Variants in NTN1 observed in about 807,000 individuals in gnomAD.
The protein encoded by NTN1 is netrin 1.
In NTN1, 11 loss-of-function variants were observed where a neutral mutation model predicts 54.2. That is an observed-to-expected ratio of 0.20 (90% CI 0.13 to 0.34). The LOEUF (loss-of-function observed/expected upper bound fraction) is 0.34. Ranked by LOEUF, NTN1 falls within the 10% of genes least tolerant of loss-of-function variation. The pLI, the probability that NTN1 is intolerant of heterozygous loss-of-function variation, is 1.00. For synonymous variants in NTN1, 371 were observed against 382.0 expected, an observed-to-expected ratio of 0.97 and a Z score of 0.33; for missense variants, 740 against 893.1, an observed-to-expected ratio of 0.83 and a Z score of 2.18.
rs574215964 is a variant in NTN1, at chr17:9,219,556, T to C, written c.1412-1612T>C. Among the ~76,000 whole-genome samples, 8 of 152,338 alleles carry C rather than the reference T, an allele frequency of 5.3e-5. No individual in the cohort carries two copies. Among genetic ancestry groups the C allele is most frequent in the Middle Eastern group, 3.4e-3 (1 of 294 alleles). Reference sequence around the variant, plus strand: ...CCCAAGGTAGTGGGATAGAGCTGCATTGATCTTCATTGAGGCACCAGTCAA... The same window carrying C: ...CCCAAGGTAGTGGGATAGAGCTGCACTGATCTTCATTGAGGCACCAGTCAA... On this transcript the variant is annotated intron_variant, in intron 5 of 6. Transcript: ENST00000173229. This position sits in a 1 kb window ranked among gnomAD's most constrained non-coding sequence, Gnocchi z 4.5.
At chr17:9,136,258 C>G (rs4791797) in intron 2 of NTN1, among the ~76,000 whole-genome samples, 106,112 of 151,806 alleles carry the variant, frequency 0.7, 38,918 homozygotes, top group East Asian at 1. Context: ...TCAGAGTAGA[C>G]GATAATAACA....
At chr17:9,082,636 G>A (rs147576926) in intron 2 of NTN1, among the ~76,000 whole-genome samples, 103 of 152,124 alleles carry the variant, frequency 6.8e-4, no homozygotes, top group Non-Finnish European at 1.2e-3. Flanking sequence ...CGGGCCGGGG[G>A]CTTCACAGAG....
chr17:9,109,860 A>G (rs546079351), intron 2 of NTN1, among the ~76,000 whole-genome samples: 70 of 152,166 alleles, frequency 4.6e-4, no homozygotes, highest in Non-Finnish European at 8.7e-4. Context: ...CATATGTCTG[A>G]TTATTGTGAG....
At chr17:9,237,967 G>A (rs1906048252) in intron 6 of NTN1, among the ~76,000 whole-genome samples, 1 of 152,172 alleles carries the variant, frequency 6.6e-6, no homozygotes, top group Non-Finnish European at 1.5e-5. Flanking sequence ...AGGATGCCCA[G>A]GAACAGCTGA....
chr17:9,133,754 A>ATTTTTTTTTTTTTT (rs57053201), intron 2 of NTN1, among the ~76,000 whole-genome samples: 1 of 104,558 alleles, frequency 9.6e-6, no homozygotes, highest in African/African-American at 4.1e-5. Context: ...TGCCCAGCTA[A>ATTTTTTTTTTTTTT]TTTTTTTTTT....
intron 2 of NTN1, among the ~76,000 whole-genome samples, chr17:9,059,393 T>C (rs765529544): frequency 3.9e-5 from 6 of 152,160 alleles, no homozygotes; most frequent in African/African-American, 1.2e-4. Flanking sequence ...TTATTCACAA[T>C]AGCCAAAAGG....
chr17:9,185,922 C>A (rs2092431867), intron 5 of NTN1, among the ~76,000 whole-genome samples: 1 of 152,170 alleles, frequency 6.6e-6, no homozygotes, highest in South Asian at 2.1e-4. Flanking sequence ...AATGGCGTCT[C>A]CTTTCTGCCT....
intron 2 of NTN1, among the ~76,000 whole-genome samples, chr17:9,051,579 G>A (rs916483613): frequency 6.6e-6 from 1 of 152,152 alleles, no homozygotes; most frequent in African/African-American, 2.4e-5. Flanking sequence ...AAAATTGTAT[G>A]TATTTACAAT....
intron 5 of NTN1, among the ~76,000 whole-genome samples, chr17:9,198,364 C>A (rs573422979): frequency 6.6e-6 from 1 of 152,352 alleles, no homozygotes; most frequent in East Asian, 1.9e-4. Context: ...CCTATAACCT[C>A]CCGGATATCT....
chr17:9,051,315 C>G (rs1047585365), intron 2 of NTN1, among the ~76,000 whole-genome samples: 3 of 152,200 alleles, frequency 2.0e-5, no homozygotes, highest in Admixed American at 1.3e-4. Flanking sequence ...GTAAACACTC[C>G]AGGAATGCCA....
intron 2 of NTN1, among the ~76,000 whole-genome samples, chr17:9,137,395 C>T (rs1167939248): frequency 6.6e-6 from 1 of 152,190 alleles, no homozygotes; most frequent in East Asian, 1.9e-4. Context: ...ACAGAACTGG[C>T]ATGGGGTGGA....
chr17:9,162,921 C>T lies in NTN1; in HGVS notation c.1127C>T (p.Ala376Val), dbSNP rs767421459. The T allele has an allele frequency of 6.2e-7, 1 of 1,612,366 alleles. No homozygotes were observed. Among genetic ancestry groups the T allele is most frequent in the Admixed American group, 1.7e-5 (1 of 59,878 alleles). The change falls in exon 3 of 7, where the codon GCC becomes GTC. Residue 376 changes from alanine (A) to valine (V), a missense_variant. Transcript: ENST00000173229. ...TGCCTCAACTGTCGCCACAACACCG[C>T]CGGCCGCCACTGCCATTACTGCAAG... The part of the protein sequence containing the change: ...GVCLNCRHNT[A>V]GRHCHYCKEG...
chr17:9,182,247 G>T (rs117080241), intron 4 of NTN1, among the ~76,000 whole-genome samples: 1 of 152,222 alleles, frequency 6.6e-6, no homozygotes, highest in Non-Finnish European at 1.5e-5. Context: ...GGCCCCAAAC[G>T]TGTTGGGATG....
At chr17:9,210,899 C>T (rs1905091142) in intron 5 of NTN1, among the ~76,000 whole-genome samples, 1 of 90,824 alleles carries the variant, frequency 1.1e-5, no homozygotes, top group Non-Finnish European at 1.9e-5. Flanking sequence ...GAGTGAGACT[C>T]CATCTGAAAA....
intron 5 of NTN1, among the ~76,000 whole-genome samples, chr17:9,214,069 T>C (rs1007080810): frequency 1.3e-5 from 2 of 152,172 alleles, no homozygotes; most frequent in African/African-American, 4.8e-5. Context: ...GATGTATTTA[T>C]GTATTTTTTC....
intron 2 of NTN1, among the ~76,000 whole-genome samples, chr17:9,107,483 G>A (rs2092171569): frequency 6.6e-6 from 1 of 152,210 alleles, no homozygotes; most frequent in Non-Finnish European, 1.5e-5. Context: ...AAGTTTGGGG[G>A]TGCGGGAGGA....
chr17:9,007,254 TTCTCTTTC>T, the NTN1 span, among the ~76,000 whole-genome samples: 1 of 151,128 alleles, frequency 6.6e-6, no homozygotes, highest in Non-Finnish European at 1.5e-5. Context: ...CCTTCCTTCC[TTCTCTTTC>T]TCTCTTTCTT....
At position 9,131,601 on chromosome 17, in the gene NTN1, G is replaced by A. The variant is rs1183535863; in HGVS notation, c.1019-31212G>A. On this transcript the variant is annotated intron_variant, in intron 2 of 6. Transcript: ENST00000173229. The stretch of plus-strand genomic sequence containing the variant: ...TGATGCTTTTTTTTTTTTTTTTTGA[G>A]GTGAAGTCTTGCTCTGTTGCCCAGG... Among the ~76,000 whole-genome samples, 3 of 143,594 alleles carry A rather than the reference G, an allele frequency of 2.1e-5. No homozygotes were observed. In the East Asian group the frequency reaches 6.1e-4, roughly 29 times the overall value. The allele number at this position is 143,594 out of a possible 152,430, so 94.2% of individuals were successfully genotyped here. A position where few individuals can be genotyped will look rare whatever the true frequency, so the allele number is the denominator to read the frequency against.
chr17:9,227,702 TATCACACGC>T (rs1905640574), intron 6 of NTN1, among the ~76,000 whole-genome samples: 1 of 52,720 alleles, frequency 1.9e-5, no homozygotes, highest in South Asian at 5.9e-4. Flanking sequence ...CAGACACACG[TATCACACGC>T]ACACACACCA....
Sources: gnomAD v4.1 joint callset for allele counts (sites outside exome capture counted in the v4.1 genomes callset) on GRCh38, gnomAD v4.1.1 for gene constraint, Gnocchi (gnomAD v3.1) non-coding constraint, MANE v1.5 for transcripts, NCBI Gene and HGNC (gene_info 2026-07-23, HGNC 2026-07-21) for gene names.